The following RANBP9 variants were observed in gnomAD, a reference collection of about 807,000 sequenced individuals.
RANBP9 encodes the protein RAN binding protein 9.
In RANBP9, 15 loss-of-function variants were observed where a neutral mutation model predicts 84.3. That is an observed-to-expected ratio of 0.18 (90% CI 0.12 to 0.27). The LOEUF is 0.27. RANBP9 is among the 10% of genes least tolerant of loss of function. RANBP9 has a pLI of 1.00. For synonymous variants in RANBP9, 392 were observed against 349.6 expected, an observed-to-expected ratio of 1.12 and a Z score of -1.35; for missense variants, 809 against 912.8, an observed-to-expected ratio of 0.89 and a Z score of 1.46.
At chr6:13,643,667 C>A (rs532002969) in intron 6 of RANBP9, among the ~76,000 whole-genome samples, 1 of 152,180 alleles carries the variant, frequency 6.6e-6, no homozygotes, top group Admixed American at 6.5e-5. Flanking sequence ...ACTATCTTGC[C>A]ATGATACTCA....
chr6:13,693,812 G>A (rs1285135573), intron 2 of RANBP9, among the ~76,000 whole-genome samples: 2 of 152,188 alleles, frequency 1.3e-5, no homozygotes, highest in Non-Finnish European at 2.9e-5. Flanking sequence ...GGAGGCTGAG[G>A]CAGGCGGATC....
chr6:13,692,557 C>CA lies in RANBP9; in HGVS notation c.683+4227dup, dbSNP rs796111799. On this transcript the variant is annotated intron_variant, in intron 2 of 13. Transcript: ENST00000011619. ...AAAAAAAAAAAAAAAAAAAAAAACA[C>CA]AAAAAACAAAAAGGCAGGGCACAGT... Among the ~76,000 whole-genome samples, 82 of 86,504 alleles carry CA rather than the reference C, an allele frequency of 9.5e-4. 1 individual carries two copies. The highest frequency in any genetic ancestry group is 3.4e-3 in the African/African-American group (76 of 22,610). The allele number at this position is 86,504 out of a possible 152,430, so 56.7% of individuals were successfully genotyped here.
At chr6:13,662,599 G>C (rs1765558206) in intron 2 of RANBP9, among the ~76,000 whole-genome samples, 1 of 152,254 alleles carries the variant, frequency 6.6e-6, no homozygotes, top group East Asian at 1.9e-4. Flanking sequence ...GAGAAGGCTT[G>C]TTTGCCCCTT....
At chr6:13,637,161 T>C (rs144584314) in intron 10 of RANBP9, among the ~76,000 whole-genome samples, 473 of 152,308 alleles carry the variant, frequency 3.1e-3, no homozygotes, top group African/African-American at 0.01. Flanking sequence ...TCAAGGGTCA[T>C]AGTACACTGA....
chr6:13,643,786 T>A (rs185475435), intron 6 of RANBP9, among the ~76,000 whole-genome samples: 360 of 152,292 alleles, frequency 2.4e-3, no homozygotes, highest in African/African-American at 8.2e-3. Flanking sequence ...TATTCTCAAC[T>A]GGGCTGGACA....
At chr6:13,710,161 T>C (rs1412248360) in intron 1 of RANBP9, among the ~76,000 whole-genome samples, 2 of 152,184 alleles carry the variant, frequency 1.3e-5, no homozygotes, top group African/African-American at 4.8e-5. Context: ...AAGCCTAAGG[T>C]TGTTGTTTTT....
chr6:13,651,928 C>T (rs1032977422), intron 5 of RANBP9, among the ~76,000 whole-genome samples: 5 of 152,128 alleles, frequency 3.3e-5, no homozygotes, highest in African/African-American at 9.7e-5. Context: ...CTCTCTACCA[C>T]ACTTCACACT....
intron 4 of RANBP9, among the ~76,000 whole-genome samples, chr6:13,654,143 A>T (rs1205702977): frequency 6.6e-6 from 1 of 152,184 alleles, no homozygotes; most frequent in Non-Finnish European, 1.5e-5. Flanking sequence ...CGAAAAATTC[A>T]AAATTAATTC....
chr6:13,704,822 C>A (rs1177296464), intron 1 of RANBP9, among the ~76,000 whole-genome samples: 1 of 152,144 alleles, frequency 6.6e-6, no homozygotes, highest in Admixed American at 6.6e-5. Context: ...TTAAGACTGA[C>A]CACTAGCCTC....
chr6:13,683,490 A>G (rs950368625), intron 2 of RANBP9, among the ~76,000 whole-genome samples: 8 of 152,170 alleles, frequency 5.3e-5, no homozygotes, highest in African/African-American at 1.7e-4. Context: ...AAGTGAAAGT[A>G]TAAGAACTGG....
At chr6:13,649,109 G>T (rs1765236745) in intron 5 of RANBP9, among the ~76,000 whole-genome samples, 1 of 152,190 alleles carries the variant, frequency 6.6e-6, no homozygotes, top group South Asian at 2.1e-4. Flanking sequence ...TAGCTTGTGA[G>T]AGATCACAGG....
chr6:13,662,943 G>A (rs926082474), intron 2 of RANBP9, among the ~76,000 whole-genome samples: 1 of 152,032 alleles, frequency 6.6e-6, no homozygotes, highest in Non-Finnish European at 1.5e-5. Context: ...GGTATGGGGG[G>A]AAAGAGTCCT....
intron 1 of RANBP9, among the ~76,000 whole-genome samples, chr6:13,706,353 C>T (rs1053527655): frequency 1.3e-5 from 2 of 150,378 alleles, no homozygotes; most frequent in African/African-American, 4.9e-5. Flanking sequence ...CAAAAAACAA[C>T]AAAAAAGTTC....
intron 1 of RANBP9, 79 bp downstream of exon 1, chr6:13,710,856 G>C (rs980113703): frequency 2.1e-6 from 3 of 1,437,094 alleles, no homozygotes; most frequent in Non-Finnish European, 2.8e-6. Context: ...GGGGTCGGGG[G>C]CGGGTCGAGA....
chr6:13,660,633 A>G (rs899516994), intron 2 of RANBP9, among the ~76,000 whole-genome samples: 3 of 152,240 alleles, frequency 2.0e-5, no homozygotes, highest in Admixed American at 6.5e-5. Context: ...AAATTATTTC[A>G]AAGTTCATAT....
intron 8 of RANBP9, among the ~76,000 whole-genome samples, chr6:13,639,959 C>T (rs1393612366): frequency 6.6e-6 from 1 of 152,022 alleles, no homozygotes; most frequent in Non-Finnish European, 1.5e-5. Context: ...ATGTAATAGA[C>T]ACTATAATAA....
At chr6:13,632,694 A>G (rs1346362980) in intron 11 of RANBP9, 173 bp from the exon 12 acceptor site, 8 of 639,902 alleles carry the variant, frequency 1.3e-5, no homozygotes, top group Non-Finnish European at 2.1e-5. Flanking sequence ...GCTAAAAGAT[A>G]TACTTTATTT....
chr6:13,645,163 A>T (rs774877354), intron 5 of RANBP9, among the ~76,000 whole-genome samples: 6 of 152,218 alleles, frequency 3.9e-5, no homozygotes, highest in African/African-American at 7.2e-5. Flanking sequence ...TCATAAAAGT[A>T]TGATCTCAGC....
At chr6:13,681,803 A>G (rs1020134519) in intron 2 of RANBP9, among the ~76,000 whole-genome samples, 2 of 152,162 alleles carry the variant, frequency 1.3e-5, no homozygotes, top group Admixed American at 1.3e-4. Context: ...GAACTAATGA[A>G]AATGGTTACC....
Sources: gnomAD v4.1 joint callset for allele counts (sites outside exome capture counted in the v4.1 genomes callset) on GRCh38, gnomAD v4.1.1 for gene constraint, MANE v1.5 for transcripts, NCBI Gene and HGNC (gene_info 2026-07-23, HGNC 2026-07-21) for gene names.